The following SDK1 variants were observed in gnomAD, a reference collection of about 807,000 sequenced individuals.
SDK1 encodes sidekick cell adhesion molecule 1.
A neutral mutation model predicts 245.5 loss-of-function variants in SDK1; 157 were observed. The observed-to-expected ratio is 0.64, with a 90% CI of 0.56 to 0.73. The LOEUF (loss-of-function observed/expected upper bound fraction) is 0.73, where lower values mean the gene tolerates loss of function less well. Among genes scored for constraint, SDK1 ranks in the 30% least tolerant of loss-of-function variants. The pLI is 0.00. For synonymous variants in SDK1, 1,647 were observed against 1,278.5 expected (o/e 1.29, Z -6.15); for missense variants, 3,583 against 3,002.3 (o/e 1.19, Z -4.52).
chr7:4,037,210 C>A (rs1239874145), intron 17 of SDK1, among the ~76,000 whole-genome samples: 2 of 152,174 alleles, frequency 1.3e-5, no homozygotes, highest in Non-Finnish European at 2.9e-5. Context: ...GGTCAGATGA[C>A]CAAAGACGAA....
intron 4 of SDK1, among the ~76,000 whole-genome samples, chr7:3,662,727 T>C (rs1783404946): frequency 6.6e-6 from 1 of 152,226 alleles, no homozygotes; most frequent in African/African-American, 2.4e-5. Context: ...ACAAATTATA[T>C]ACAGGTTGAG....
chr7:3,838,794 T>G (rs2115084735), intron 5 of SDK1, among the ~76,000 whole-genome samples: 1 of 152,298 alleles, frequency 6.6e-6, no homozygotes, highest in South Asian at 2.1e-4. Flanking sequence ...TCGATCAAAA[T>G]GTTTGCACTC....
At chr7:3,509,069 T>G (rs59252283) in intron 1 of SDK1, among the ~76,000 whole-genome samples, 5,160 of 142,030 alleles carry the variant, frequency 0.036, 299 homozygotes, top group African/African-American at 0.12. Context: ...GAAGGTGGGG[T>G]GTGTGTGTGT....
intron 1 of SDK1, among the ~76,000 whole-genome samples, chr7:3,372,095 G>C (rs948896072): frequency 6.6e-6 from 1 of 152,194 alleles, no homozygotes; most frequent in African/African-American, 2.4e-5. Flanking sequence ...CAGCATTTAT[G>C]TTCCATTCAC....
intron 1 of SDK1, among the ~76,000 whole-genome samples, chr7:3,451,467 G>C (rs1337525469): frequency 2.0e-5 from 3 of 152,086 alleles, no homozygotes; most frequent in African/African-American, 7.2e-5. Context: ...TTGGACACGG[G>C]GAAGGGAGCT....
At chr7:3,600,534 G>C (rs186650851) in intron 1 of SDK1, among the ~76,000 whole-genome samples, 6 of 150,434 alleles carry the variant, frequency 4.0e-5, no homozygotes, top group East Asian at 1.9e-4. Context: ...ACTGTGTTAA[G>C]TGTGATATTA....
intron 1 of SDK1, among the ~76,000 whole-genome samples, chr7:3,343,782 CA>C (rs1340888655): frequency 6.6e-6 from 1 of 151,976 alleles, no homozygotes; most frequent in Non-Finnish European, 1.5e-5. Context: ...CCTTAAAATA[CA>C]GGTGATAACA....
intron 13 of SDK1, 77 bp downstream of exon 13, chr7:3,974,622 C>G (rs1320201338): frequency 1.5e-6 from 2 of 1,376,324 alleles, no homozygotes; most frequent in Non-Finnish European, 2.0e-6. Context: ...ACTGCCACTT[C>G]ACAAGTGTCA....
chr7:3,352,900 G>C (rs1175583456), intron 1 of SDK1, among the ~76,000 whole-genome samples: 1 of 152,124 alleles, frequency 6.6e-6, no homozygotes, highest in African/African-American at 2.4e-5. Flanking sequence ...ACAGGCACCA[G>C]GTTGAAGAAA....
chr7:4,159,869 A>G (rs1781003930), intron 31 of SDK1, among the ~76,000 whole-genome samples: 1 of 152,280 alleles, frequency 6.6e-6, no homozygotes, highest in Admixed American at 6.5e-5. Context: ...CAATTATAAC[A>G]TTGTAACATT....
At chr7:3,580,961 T>C (rs1257445267) in intron 1 of SDK1, among the ~76,000 whole-genome samples, 1 of 79,978 alleles carries the variant, frequency 1.3e-5, no homozygotes, top group African/African-American at 5.7e-5. Context: ...AGGGCAAGAC[T>C]CCATCTCAAA....
At chr7:3,771,587 G>T (rs1052844258) in intron 4 of SDK1, among the ~76,000 whole-genome samples, 5 of 152,122 alleles carry the variant, frequency 3.3e-5, no homozygotes, top group Non-Finnish European at 7.3e-5. Context: ...TGATTCATAG[G>T]ATGGATTTAA....
intron 28 of SDK1, among the ~76,000 whole-genome samples, chr7:4,141,507 A>G (rs992391599): frequency 3.3e-5 from 5 of 152,180 alleles, no homozygotes; most frequent in Admixed American, 6.5e-5. Flanking sequence ...AGTAAATAAT[A>G]CCTCATTAAT....
intron 4 of SDK1, among the ~76,000 whole-genome samples, chr7:3,802,061 A>C (rs904682455): frequency 2.6e-5 from 4 of 152,194 alleles, no homozygotes; most frequent in Non-Finnish European, 5.9e-5. Context: ...TTATACATTC[A>C]CAGAAGGTTG....
intron 5 of SDK1, among the ~76,000 whole-genome samples, chr7:3,845,437 C>G (rs540230192): frequency 6.2e-5 from 9 of 145,750 alleles, no homozygotes; most frequent in Admixed American, 2.8e-4. Flanking sequence ...TTGCAGTGAG[C>G]CGAGATCGCG....
intron 4 of SDK1, among the ~76,000 whole-genome samples, chr7:3,735,922 A>G (rs954104249): frequency 1.3e-5 from 2 of 152,148 alleles, no homozygotes; most frequent in South Asian, 2.1e-4. Flanking sequence ...TTTTAATTCC[A>G]TTTTCCTGAT....
At chr7:3,355,877 A>T (rs1177785895) in intron 1 of SDK1, among the ~76,000 whole-genome samples, 1 of 152,200 alleles carries the variant, frequency 6.6e-6, no homozygotes, top group East Asian at 1.9e-4. Context: ...TCTTCCCTCT[A>T]GAGTGAACTT....
At chr7:4,090,937 A>G (rs998107192) in intron 22 of SDK1, among the ~76,000 whole-genome samples, 1 of 152,060 alleles carries the variant, frequency 6.6e-6, no homozygotes, top group Non-Finnish European at 1.5e-5. Context: ...GGCTCCCAGT[A>G]TGCTCAGTAT....
chr7:3,515,565 A>G (rs117691220), intron 1 of SDK1, among the ~76,000 whole-genome samples: 12 of 152,312 alleles, frequency 7.9e-5, no homozygotes, highest in Non-Finnish European at 1.3e-4. Context: ...AGTGTTCTCT[A>G]TAATCTAGAA....
Sources: allele counts gnomAD v4.1 joint callset (sites outside exome capture counted in the v4.1 genomes callset), GRCh38; gene constraint gnomAD v4.1.1; transcripts MANE v1.5; gene names NCBI Gene and HGNC (gene_info 2026-07-23, HGNC 2026-07-21).